Variants in NRXN3 observed in about 807,000 individuals in gnomAD.
The protein encoded by NRXN3 is neurexin 3, also known as neurexin III.
In NRXN3, 32 loss-of-function variants were observed where a neutral mutation model predicts 137.6. The observed-to-expected ratio is 0.23, with a 90% confidence interval of 0.18 to 0.31. The LOEUF is 0.31. NRXN3 is among the 10% of genes least tolerant of loss of function. NRXN3 has a pLI of 1.00. For synonymous variants in NRXN3, 798 were observed against 784.5 expected (o/e 1.02, Z -0.29); for missense variants, 1,574 against 2,062.5 (o/e 0.76, Z 4.59).
chr14:78,204,016 T>C (rs893999320), intron 1 of NRXN3, among the ~76,000 whole-genome samples: 16 of 152,320 alleles, frequency 1.1e-4, no homozygotes, highest in African/African-American at 3.8e-4. Context: ...TAACCTTTTA[T>C]TGAAAGGGTT....
At chr14:78,178,833 C>T (rs1168818272) in intron 1 of NRXN3, among the ~76,000 whole-genome samples, 2 of 152,176 alleles carry the variant, frequency 1.3e-5, no homozygotes, top group Non-Finnish European at 1.5e-5. Flanking sequence ...CACCACCCTC[C>T]ATCCTGAATC....
intron 10 of NRXN3, among the ~76,000 whole-genome samples, chr14:78,855,812 A>G (rs1237645680): frequency 6.6e-6 from 1 of 152,188 alleles, no homozygotes; most frequent in Non-Finnish European, 1.5e-5. Context: ...AGGCATTCTA[A>G]GGAGAGCTTG....
intron 15 of NRXN3, among the ~76,000 whole-genome samples, chr14:79,154,197 G>A (rs1357641857): frequency 6.6e-6 from 1 of 151,944 alleles, no homozygotes; most frequent in African/African-American, 2.4e-5. Flanking sequence ...CAATGTGAAT[G>A]GCTTCTCTCT....
chr14:79,670,888 T>C (rs1164215979), intron 17 of NRXN3, among the ~76,000 whole-genome samples: 2 of 152,134 alleles, frequency 1.3e-5, no homozygotes, highest in African/African-American at 4.8e-5. Context: ...AAGGTGAGAA[T>C]AGGGGACTAA....
intron 15 of NRXN3, among the ~76,000 whole-genome samples, chr14:79,306,521 T>C (rs1250523633): frequency 1.3e-5 from 2 of 152,126 alleles, no homozygotes; most frequent in Non-Finnish European, 2.9e-5. Context: ...GGCATATATA[T>C]AGTTATTTTA....
chr14:79,108,156 C>T (rs2052801299), intron 15 of NRXN3, among the ~76,000 whole-genome samples: 1 of 152,088 alleles, frequency 6.6e-6, no homozygotes, highest in East Asian at 1.9e-4. Context: ...TCCCTATGAA[C>T]TTAGGAAAGT....
chr14:79,287,237 A>C (rs1041766802), intron 15 of NRXN3, among the ~76,000 whole-genome samples: 4 of 152,182 alleles, frequency 2.6e-5, no homozygotes, highest in African/African-American at 9.7e-5. Flanking sequence ...TGGCACTAGA[A>C]CACAGCATGG....
At chr14:78,639,632 T>A (rs1392821835) in intron 4 of NRXN3, among the ~76,000 whole-genome samples, 1 of 152,222 alleles carries the variant, frequency 6.6e-6, no homozygotes, top group East Asian at 1.9e-4. Context: ...GTCAGTAGTT[T>A]TACCTTTCAA....
At chr14:78,671,649 A>G (rs1486434196) in intron 6 of NRXN3, among the ~76,000 whole-genome samples, 1 of 152,230 alleles carries the variant, frequency 6.6e-6, no homozygotes, top group East Asian at 1.9e-4. Context: ...ATTTTTAAAA[A>G]TACGTTTATG....
At chr14:79,612,362 T>C (rs960954775) in intron 16 of NRXN3, among the ~76,000 whole-genome samples, 6 of 152,170 alleles carry the variant, frequency 3.9e-5, no homozygotes, top group Non-Finnish European at 4.4e-5. Flanking sequence ...ACATTTCCAG[T>C]GGATAAAGAG....
chr14:78,334,109 T>G (rs1486953929), intron 4 of NRXN3, among the ~76,000 whole-genome samples: 1 of 152,096 alleles, frequency 6.6e-6, no homozygotes, highest in Non-Finnish European at 1.5e-5. Flanking sequence ...TGGGGAAGAC[T>G]GGAGGAGGAG....
chr14:79,704,545 CG>C (rs943853946), intron 19 of NRXN3, among the ~76,000 whole-genome samples: 1 of 152,074 alleles, frequency 6.6e-6, no homozygotes, highest in Non-Finnish European at 1.5e-5. Context: ...ACAGAGCCTC[CG>C]GGGGAAGTTT....
intron 15 of NRXN3, among the ~76,000 whole-genome samples, chr14:79,314,758 C>T (rs1435105336): frequency 2.0e-5 from 3 of 147,576 alleles, no homozygotes; most frequent in Non-Finnish European, 3.0e-5. Flanking sequence ...TCCCTGACCC[C>T]TGACCCCCAA....
At chr14:79,641,548 G>A (rs2098434334) in intron 16 of NRXN3, among the ~76,000 whole-genome samples, 1 of 135,552 alleles carries the variant, frequency 7.4e-6, no homozygotes, top group South Asian at 2.3e-4. Flanking sequence ...TGTCTCCGCT[G>A]GGCTCAGCAT....
intron 20 of NRXN3, among the ~76,000 whole-genome samples, chr14:79,836,158 G>C (rs1315172252): frequency 6.6e-6 from 1 of 152,148 alleles, no homozygotes; most frequent in Non-Finnish European, 1.5e-5. Flanking sequence ...TCAGCTGAAT[G>C]CTACTAATAG....
chr14:79,337,125 A>G (rs2092317727), intron 15 of NRXN3, among the ~76,000 whole-genome samples: 1 of 152,214 alleles, frequency 6.6e-6, no homozygotes, highest in African/African-American at 2.4e-5. Context: ...TGTTCCCTAT[A>G]GTTAGCAGAA....
intron 6 of NRXN3, among the ~76,000 whole-genome samples, chr14:78,708,128 T>C (rs1292740378): frequency 6.6e-6 from 1 of 152,216 alleles, no homozygotes; most frequent in Admixed American, 6.5e-5. Flanking sequence ...ATCTCCACAC[T>C]GTTTTCCATA....
intron 8 of NRXN3, among the ~76,000 whole-genome samples, chr14:78,779,209 GAGAATGATACAGCATC>G (rs1394071012): frequency 1.3e-5 from 2 of 151,970 alleles, no homozygotes; most frequent in East Asian, 3.8e-4. Flanking sequence ...TCAGGAGTGT[GAGAATGATACAGCATC>G]AGATAATAAA....
intron 15 of NRXN3, among the ~76,000 whole-genome samples, chr14:79,266,735 G>C (rs894986143): frequency 5.3e-5 from 8 of 152,158 alleles, no homozygotes; most frequent in Non-Finnish European, 1.0e-4. Context: ...GAGATTAAGA[G>C]ACCTTTGGTT....
Sources: gnomAD v4.1 joint callset for allele counts (sites outside exome capture counted in the v4.1 genomes callset) on GRCh38, gnomAD v4.1.1 for gene constraint, MANE v1.5 for transcripts, NCBI Gene and HGNC (gene_info 2026-07-23, HGNC 2026-07-21) for gene names.